Variants in MACROD2 observed in about 807,000 individuals in gnomAD.
MACROD2 encodes mono-ADP ribosylhydrolase 2.
A neutral mutation model predicts 70.4 loss-of-function variants in MACROD2; 36 were observed. That is an observed-to-expected ratio of 0.51 (90% CI 0.39 to 0.68). MACROD2 has a LOEUF of 0.68. MACROD2 is among the 30% of genes least tolerant of loss of function. The pLI is 0.00. For missense variants in MACROD2, 496 were observed against 538.4 expected (o/e 0.92, Z 0.78); for synonymous variants, 172 against 178.8 (o/e 0.96, Z 0.30).
intron 3 of MACROD2, among the ~76,000 whole-genome samples, chr20:14,192,390 G>T (rs1180299314): frequency 6.6e-6 from 1 of 152,100 alleles, no homozygotes; most frequent in East Asian, 1.9e-4. Flanking sequence ...CATCCAAGAG[G>T]AGAAGGTTAG....
At chr20:14,190,867 C>T (rs904127789) in intron 3 of MACROD2, among the ~76,000 whole-genome samples, 1 of 150,908 alleles carries the variant, frequency 6.6e-6, no homozygotes, top group African/African-American at 2.4e-5. Context: ...GCCACTACGC[C>T]GGGCTAATAT....
chr20:14,107,272 C>T (rs922940447), intron 3 of MACROD2, among the ~76,000 whole-genome samples: 1 of 152,146 alleles, frequency 6.6e-6, no homozygotes, highest in Non-Finnish European at 1.5e-5. Context: ...TCATCAGAGT[C>T]TCTTCTTAAT....
intron 6 of MACROD2, among the ~76,000 whole-genome samples, chr20:15,298,952 G>T (rs2077616702): frequency 6.6e-6 from 1 of 152,160 alleles, no homozygotes; most frequent in Non-Finnish European, 1.5e-5. Context: ...AATGGCAAAG[G>T]TGAGAATTTG....
In MACROD2 at chr20:15,987,092, G is replaced by A. The variant is rs142381393; in HGVS notation, c.1087G>A (p.Val363Met). 4.5e-5 allele frequency: 72 copies of A among 1,611,242 alleles called. 1 individual carries two copies. The South Asian group carries it at 6.2e-4, about 14-fold the overall frequency. Reference protein sequence around the residue: ...EELSSNQEDAVIVEQPEVIPL... With the variant: ...EELSSNQEDAMIVEQPEVIPL... ...ACTTTCATCAAACCAAGAAGATGCC[G>A]TGATTGTGGAGCAACCAGAAGTGAT... Residue 363 changes from valine to methionine, a missense_variant, in exon 15 of 18, where the codon GTG becomes ATG. Coordinates refer to ENST00000684519, the MANE Select transcript of MACROD2 (RefSeq NM_001351661.2).
chr20:14,366,188 A>G (rs991516226), intron 3 of MACROD2, among the ~76,000 whole-genome samples: 7 of 152,030 alleles, frequency 4.6e-5, no homozygotes, highest in Non-Finnish European at 1.0e-4. Flanking sequence ...TTATTGTTAA[A>G]AGCAGTGCAT....
At chr20:15,103,213 A>G (rs934038201) in intron 5 of MACROD2, among the ~76,000 whole-genome samples, 6 of 152,158 alleles carry the variant, frequency 3.9e-5, no homozygotes, top group African/African-American at 1.4e-4. Flanking sequence ...AAATTATCAA[A>G]GACCCAAGTT....
intron 15 of MACROD2, among the ~76,000 whole-genome samples, chr20:16,004,759 C>T (rs757199758): frequency 3.9e-5 from 6 of 152,216 alleles, no homozygotes; most frequent in South Asian, 2.1e-4. Context: ...TCTCTGGGCA[C>T]GAGTGCGAGC....
chr20:14,929,639 G>A (rs1316107214), intron 5 of MACROD2: 1 of 152,116 alleles, frequency 6.6e-6, no homozygotes, highest in Non-Finnish European at 1.5e-5. Flanking sequence ...GGAGGAGGGA[G>A]AGTGGAGCTG....
chr20:14,429,583 C>T (rs1369468042), intron 3 of MACROD2, among the ~76,000 whole-genome samples: 2 of 152,262 alleles, frequency 1.3e-5, no homozygotes, highest in East Asian at 3.9e-4. Flanking sequence ...GTGGACTTTA[C>T]AGTGCTCTGC....
intron 8 of MACROD2, among the ~76,000 whole-genome samples, chr20:15,836,717 C>T (rs1390391648): frequency 6.6e-6 from 1 of 152,188 alleles, no homozygotes; most frequent in Non-Finnish European, 1.5e-5. Flanking sequence ...GTGTGAGTGG[C>T]TGGTGGACTT....
chr20:15,903,162 G>C (rs1412784371), intron 10 of MACROD2, among the ~76,000 whole-genome samples: 1 of 152,098 alleles, frequency 6.6e-6, no homozygotes, highest in Non-Finnish European at 1.5e-5. Flanking sequence ...GATCACTCGA[G>C]GTCAGGAGTT....
chr20:15,992,867 T>G (rs896631362), intron 15 of MACROD2, among the ~76,000 whole-genome samples: 1 of 152,190 alleles, frequency 6.6e-6, no homozygotes, highest in African/African-American at 2.4e-5. Context: ...TTTTTACTCC[T>G]CTCTGCCGAA....
intron 7 of MACROD2, among the ~76,000 whole-genome samples, chr20:15,488,095 C>T (rs1467386274): frequency 6.6e-6 from 1 of 152,070 alleles, no homozygotes; most frequent in Non-Finnish European, 1.5e-5. Context: ...TCTAGGGATC[C>T]TAGGACACAG....
At chr20:15,645,950 AT>A (rs2049534426) in intron 8 of MACROD2, among the ~76,000 whole-genome samples, 1 of 152,206 alleles carries the variant, frequency 6.6e-6, no homozygotes, top group Non-Finnish European at 1.5e-5. Flanking sequence ...CAGAAGTATT[AT>A]TTGCTGTTCA....
intron 8 of MACROD2, among the ~76,000 whole-genome samples, chr20:15,805,713 T>C (rs1419091941): frequency 1.3e-5 from 2 of 152,134 alleles, no homozygotes; most frequent in Non-Finnish European, 2.9e-5. Context: ...TGACCTCAGG[T>C]GATCTGCCCA....
intron 5 of MACROD2, among the ~76,000 whole-genome samples, chr20:15,034,552 G>C (rs565946712): frequency 2.6e-5 from 4 of 152,070 alleles, no homozygotes; most frequent in Non-Finnish European, 5.9e-5. Flanking sequence ...AAAGTACAAA[G>C]TTTAGAAGTG....
intron 5 of MACROD2, among the ~76,000 whole-genome samples, chr20:14,763,822 A>C (rs1600639187): frequency 6.6e-6 from 1 of 152,036 alleles, no homozygotes. Context: ...GTACATCTAA[A>C]ACCCGGACTT....
At chr20:15,687,846 C>G (rs1416697767) in intron 8 of MACROD2, among the ~76,000 whole-genome samples, 1 of 152,166 alleles carries the variant, frequency 6.6e-6, no homozygotes, top group Non-Finnish European at 1.5e-5. Flanking sequence ...CCTGAGCTCT[C>G]TTCTTCAGCT....
chr20:14,561,271 A>C (rs1979412882), intron 4 of MACROD2, among the ~76,000 whole-genome samples: 1 of 151,872 alleles, frequency 6.6e-6, no homozygotes, highest in Non-Finnish European at 1.5e-5. Context: ...TTAGATTTGT[A>C]ACCTGATTAG....
Sources: gnomAD v4.1 joint callset for allele counts (sites outside exome capture counted in the v4.1 genomes callset) on GRCh38, gnomAD v4.1.1 for gene constraint, MANE v1.5 for transcripts, NCBI Gene and HGNC (gene_info 2026-07-23, HGNC 2026-07-21) for gene names.